CCSER1: variants seen among roughly 807,000 people sequenced by gnomAD.
The protein encoded by CCSER1 is coiled-coil serine rich protein 1, also known as serine-rich coiled-coil domain-containing protein 1.
CCSER1 carries 41 observed loss-of-function variants against 82.0 expected under a neutral mutation model. The observed-to-expected ratio is 0.50, with a 90% CI of 0.39 to 0.65. The LOEUF is 0.65. CCSER1 is among the 30% of genes least tolerant of loss of function. The probability of loss-of-function intolerance (pLI) is 0.00; values close to 1 mark genes in which losing one functional copy is unlikely to be tolerated. For synonymous variants in CCSER1, 414 were observed against 383.9 expected (o/e 1.08, Z -0.92); for missense variants, 1,119 against 1,064.2 (o/e 1.05, Z -0.72).
intron 10 of CCSER1, among the ~76,000 whole-genome samples, chr4:91,182,818 T>A (rs1734166108): frequency 6.6e-6 from 1 of 152,200 alleles, no homozygotes; most frequent in African/African-American, 2.4e-5. Flanking sequence ...AGGGAACATG[T>A]GTGACATCCA....
chr4:90,915,973 C>G (rs1469399427), intron 8 of CCSER1, among the ~76,000 whole-genome samples: 3 of 152,146 alleles, frequency 2.0e-5, no homozygotes, highest in South Asian at 4.2e-4. Flanking sequence ...TGAAGGACCT[C>G]TTCAAGGAGA....
chr4:91,383,395 T>C (rs975661829), intron 10 of CCSER1, among the ~76,000 whole-genome samples: 2 of 152,218 alleles, frequency 1.3e-5, no homozygotes, highest in Non-Finnish European at 2.9e-5. Context: ...AGTTAACAAA[T>C]TAAAACAATA....
In CCSER1 at chr4:90,526,256, T is replaced by A. The variant is rs1476079765; in HGVS notation, c.1724+57902T>A. On this transcript the variant is annotated intron_variant, in intron 5 of 10. Coordinates refer to ENST00000509176, the MANE Select transcript of CCSER1 (RefSeq NM_001145065.2). Reference sequence around the variant, plus strand: ...TGGTTTGCCAAAAATATTGACCACCTAAACCAATTTCGCTGTATTTCAATA... The same window carrying A: ...TGGTTTGCCAAAAATATTGACCACCAAAACCAATTTCGCTGTATTTCAATA... 3.3e-5 allele frequency among the ~76,000 whole-genome samples: 5 copies of A among 152,168 alleles called. No individual in the cohort carries two copies. The East Asian group carries it at 9.6e-4, about 29-fold the overall frequency.
intron 10 of CCSER1, among the ~76,000 whole-genome samples, chr4:91,578,682 T>C (rs1165185376): frequency 1.3e-5 from 2 of 152,038 alleles, no homozygotes; most frequent in Non-Finnish European, 2.9e-5. Flanking sequence ...GGTTAAAATG[T>C]GCTTAATACA....
At chr4:90,946,974 G>T (rs1428098765) in intron 9 of CCSER1, among the ~76,000 whole-genome samples, 1 of 152,004 alleles carries the variant, frequency 6.6e-6, no homozygotes, top group Non-Finnish European at 1.5e-5. Context: ...CTCACTCTAA[G>T]ACTCAGACTG....
intron 1 of CCSER1, among the ~76,000 whole-genome samples, chr4:90,288,597 G>T (rs1456892832): frequency 6.6e-6 from 1 of 151,866 alleles, no homozygotes; most frequent in Admixed American, 6.6e-5. Flanking sequence ...AATTATTTGA[G>T]AATTCACTTA....
At chr4:91,365,697 T>C (rs894897792) in intron 10 of CCSER1, among the ~76,000 whole-genome samples, 1 of 152,094 alleles carries the variant, frequency 6.6e-6, no homozygotes, top group Non-Finnish European at 1.5e-5. Context: ...ATTTAGGGAG[T>C]CAATACTAAT....
chr4:91,198,359 T>TA (rs61587555), intron 10 of CCSER1, among the ~76,000 whole-genome samples: 19 of 151,608 alleles, frequency 1.3e-4, no homozygotes, highest in Non-Finnish European at 2.5e-4. Context: ...TCTGTTTCAA[T>TA]AAAAAAAAAG....
intron 3 of CCSER1, among the ~76,000 whole-genome samples, chr4:90,394,435 A>C (rs1380361432): frequency 6.6e-6 from 1 of 152,172 alleles, no homozygotes; most frequent in Non-Finnish European, 1.5e-5. Context: ...GTATGGCTGA[A>C]AGATTTGTAA....
intron 10 of CCSER1, among the ~76,000 whole-genome samples, chr4:91,532,946 C>T (rs1761112008): frequency 6.6e-6 from 1 of 151,916 alleles, no homozygotes; most frequent in Admixed American, 6.6e-5. Context: ...GGAGGTATCC[C>T]ATAAAGAAAT....
At chr4:90,625,966 T>C (rs1723180152) in intron 5 of CCSER1, among the ~76,000 whole-genome samples, 2 of 152,182 alleles carry the variant, frequency 1.3e-5, no homozygotes. Context: ...ATATGATTCC[T>C]GAAAGTTGTG....
intron 10 of CCSER1, among the ~76,000 whole-genome samples, chr4:91,091,443 C>T (rs942784423): frequency 4.6e-5 from 7 of 152,170 alleles, no homozygotes; most frequent in Non-Finnish European, 8.8e-5. Flanking sequence ...ATTGTCTTAA[C>T]GTGTTGTCCT....
intron 5 of CCSER1, among the ~76,000 whole-genome samples, chr4:90,513,220 G>T (rs2153619073): frequency 6.6e-6 from 1 of 152,268 alleles, no homozygotes; most frequent in South Asian, 2.1e-4. Context: ...AAATAGTACT[G>T]CATTTTAACA....
intron 10 of CCSER1, among the ~76,000 whole-genome samples, chr4:91,119,675 TG>T (rs1369803712): frequency 6.6e-6 from 1 of 151,922 alleles, no homozygotes; most frequent in Non-Finnish European, 1.5e-5. Context: ...CTATTTACTA[TG>T]TATATAAGTA....
chr4:91,043,583 CTTTTTTTTT>C (rs11364315), intron 9 of CCSER1, among the ~76,000 whole-genome samples: 1 of 71,566 alleles, frequency 1.4e-5, no homozygotes, highest in Admixed American at 1.8e-4. Flanking sequence ...CATCAGCCTT[CTTTTTTTTT>C]TTTTTTTTTT....
chr4:90,706,965 G>C (rs1281387175), intron 6 of CCSER1, among the ~76,000 whole-genome samples: 6 of 152,132 alleles, frequency 3.9e-5, no homozygotes, highest in Non-Finnish European at 8.8e-5. Context: ...GCTTAGAGAA[G>C]AGGCAGGTGT....
chr4:90,749,496 G>T (rs1467140535), intron 7 of CCSER1, among the ~76,000 whole-genome samples: 1 of 151,940 alleles, frequency 6.6e-6, no homozygotes, highest in Admixed American at 6.6e-5. Context: ...TGTTCTTTTG[G>T]CTTAGGATTG....
At position 90,796,869 on chromosome 4, in the gene CCSER1, C is replaced by A. The variant is rs150447701; in HGVS notation, c.2011-18893C>A. On this transcript the variant is annotated intron_variant, in intron 7 of 10. Transcript: ENST00000509176. ...GACATTGTTTTTTATGATTTCAGTT[C>A]TTTTGCATTTGCTAAGGAGTGTTTT... 4.7e-4 allele frequency among the ~76,000 whole-genome samples: 71 copies of A among 152,168 alleles called. 1 individual carries two copies. In the East Asian group the frequency reaches 0.012, roughly 25 times the overall value.
At chr4:90,195,976 T>A (rs1188729426) in intron 1 of CCSER1, among the ~76,000 whole-genome samples, 2 of 152,124 alleles carry the variant, frequency 1.3e-5, no homozygotes, top group African/African-American at 4.8e-5. Context: ...TTCCATCAGT[T>A]GAATTCCCAA....
Sources: allele counts gnomAD v4.1 joint callset (sites outside exome capture counted in the v4.1 genomes callset), GRCh38; gene constraint gnomAD v4.1.1; transcripts MANE v1.5; gene names NCBI Gene and HGNC (gene_info 2026-07-23, HGNC 2026-07-21).